The following DNAH1 variants were observed in gnomAD, a reference collection of about 807,000 sequenced individuals.
DNAH1 encodes the protein axonemal beta dynein heavy chain 1.
Under a neutral mutation model 484.3 loss-of-function variants are expected in DNAH1, and 327 were observed. The ratio of observed to expected loss-of-function variants is 0.68; its 90% CI spans 0.62 to 0.74. DNAH1 has a LOEUF of 0.74. Ranked by LOEUF, DNAH1 falls within the 30% of genes least tolerant of loss-of-function variation. DNAH1 has a pLI of 0.00. For missense variants in DNAH1, 5,052 were observed against 5,546.8 expected (o/e 0.91, Z 2.83); for synonymous variants, 2,192 against 2,191.9 (o/e 1.00, Z 0.00).
intron 5 of DNAH1, 141 bp downstream of exon 5, chr3:52,327,032 GA>G: frequency 8.4e-7 from 1 of 1,193,878 alleles, no homozygotes; most frequent in Non-Finnish European, 1.1e-6. Context: ...TCAACAATAG[GA>G]ACCCATCCCA....
At chr3:52,351,461 A>C (rs1433783005) in intron 16 of DNAH1, among the ~76,000 whole-genome samples, 1 of 152,100 alleles carries the variant, frequency 6.6e-6, no homozygotes, top group African/African-American at 2.4e-5. Context: ...CTCAGGGGGA[A>C]CTCCCCCACG....
chr3:52,353,038 G>A lies in DNAH1; in HGVS notation c.3028-65G>A, dbSNP rs1702459079. On this transcript the variant is annotated intron_variant, in intron 18 of 77. Transcript: ENST00000420323. This position sits in a 1 kb window ranked among gnomAD's most constrained non-coding sequence, Gnocchi z 5.0. ...GGGAGAGGACCTGGCCCAAGAAGGG[G>A]CAACATGGAGAGAGACTGGGAAGTG... is the stretch of plus-strand genomic sequence containing the variant. 1.3e-6 allele frequency: 2 copies of A among 1,497,110 alleles called. No homozygotes were observed. Among genetic ancestry groups the A allele is most frequent in the Admixed American group, 2.0e-5 (1 of 50,670 alleles). 92.7% of individuals were successfully genotyped at this position (1,497,110 alleles called of 1,614,324 possible).
intron 3 of DNAH1, among the ~76,000 whole-genome samples, chr3:52,325,459 C>T (rs530929082): frequency 1.3e-5 from 2 of 152,312 alleles, no homozygotes; most frequent in East Asian, 3.9e-4. Flanking sequence ...CACCCCTCTC[C>T]CCACCTCTGT....
At chr3:52,351,780 C>A (rs1702392215) in intron 16 of DNAH1, among the ~76,000 whole-genome samples, 182 bp from the exon 17 acceptor site, 1 of 152,234 alleles carries the variant, frequency 6.6e-6, no homozygotes, top group African/African-American at 2.4e-5. Flanking sequence ...GCAGTCGCGC[C>A]TCCCAGCTCA....
At chr3:52,383,651 G>T in intron 51 of DNAH1, 57 bp downstream of exon 51, 1 of 1,488,278 alleles carries the variant, frequency 6.7e-7, no homozygotes, top group Non-Finnish European at 9.0e-7. Context: ...GTGTACATGG[G>T]CTGGCCCCGG....
In DNAH1 at chr3:52,388,325, G is replaced by A. The variant is rs1704201303; in HGVS notation, c.9162G>A (p.Glu3054=). 1 of 1,602,648 alleles carries A rather than the reference G, an allele frequency of 6.2e-7. No individual in the cohort carries two copies. Among genetic ancestry groups the A allele is most frequent in the Non-Finnish European group, 8.5e-7 (1 of 1,174,710 alleles). The change falls in exon 57 of 78, where the codon GAG becomes GAA. Residue 3054 remains glutamate, a synonymous_variant. Transcript: ENST00000420323. ...ACCACTTTGTGGCCAAGGCCGTGGA[G>A]CCCAAGCGGGTGAGGGCTGAGTGGA... ...HKYHFVAKAV[E]PKRQALLEAQ... is the part of the protein sequence containing the mutation.
intron 1 of DNAH1, among the ~76,000 whole-genome samples, chr3:52,320,630 C>G (rs1647965239): frequency 6.6e-6 from 1 of 152,194 alleles, no homozygotes. Flanking sequence ...GAGGCCTACA[C>G]TAGCACAAAA....
intron 8 of DNAH1, among the ~76,000 whole-genome samples, chr3:52,343,349 C>A (rs533640212): frequency 1.3e-5 from 2 of 152,178 alleles, no homozygotes; most frequent in African/African-American, 4.8e-5. Context: ...GCTTGCTGGG[C>A]TTTTCCTGAG....
the DNAH1 span, among the ~76,000 whole-genome samples, chr3:52,311,318 C>T: frequency 2.0e-5 from 3 of 152,220 alleles, no homozygotes; most frequent in Non-Finnish European, 1.5e-5. Context: ...TAGCTTTGCC[C>T]TATGCCTCAG....
At chr3:52,327,860 A>T (rs182304532) in intron 5 of DNAH1, 22 bp from the exon 6 acceptor site, 2 of 1,611,110 alleles carry the variant, frequency 1.2e-6, no homozygotes, top group African/African-American at 2.7e-5. Flanking sequence ...CTTCTTCCCA[A>T]TGTTGGCCTG....
chr3:52,334,750 G>A (rs560271403), intron 8 of DNAH1, among the ~76,000 whole-genome samples: 4 of 152,262 alleles, frequency 2.6e-5, no homozygotes, highest in East Asian at 1.9e-4. Flanking sequence ...CTGAGATTGC[G>A]TCACTGCACT....
intron 2 of DNAH1, 58 bp downstream of exon 2, chr3:52,322,833 CCATCCTTT>C (rs1701198901): frequency 2.1e-6 from 3 of 1,428,344 alleles, no homozygotes; most frequent in East Asian, 4.9e-5. Flanking sequence ...CTCCGTTCAC[CCATCCTTT>C]CATCCTTCTC....
rs1297045970 is a variant in DNAH1, at chr3:52,364,372, G to A, written c.5245-266G>A. 6.6e-6 allele frequency among the ~76,000 whole-genome samples: 1 copy of A among 152,248 alleles called. No homozygotes were observed. Among genetic ancestry groups the A allele is most frequent in the African/African-American group, 2.4e-5 (1 of 41,464 alleles). ...AGAGGGCCCTCCTGCCCCTGGCCATGTGCTGGGACAGTGACCAAAGGATGC... is the reference window on the plus strand; with the variant it reads ...AGAGGGCCCTCCTGCCCCTGGCCATATGCTGGGACAGTGACCAAAGGATGC... On this transcript the variant is annotated intron_variant, in intron 32 of 77. Transcript: ENST00000420323. The surrounding 1 kb of genome is among the most constrained non-coding windows in gnomAD (Gnocchi z 4.2).
chr3:52,324,670 C>T (rs759436056), intron 3 of DNAH1, among the ~76,000 whole-genome samples: 1 of 152,138 alleles, frequency 6.6e-6, no homozygotes, highest in Admixed American at 6.5e-5. Flanking sequence ...TGTACATTTG[C>T]GCACTTATCT....
Position 52,391,535 on chromosome 3 carries a change from G to A in DNAH1, c.9984G>A (p.Leu3328=), listed in dbSNP as rs1399938612. ...TCAGGATGTACATCACCACCAAGCT[G>A]CCCAACCCACACTACACGCCCGAGA... The part of the protein sequence containing the change: ...EDFRMYITTK[L]PNPHYTPEIS... The change falls in exon 63 of 78, where the codon CTG becomes CTA. Residue 3328 remains leucine (L), a synonymous_variant. Transcript: ENST00000420323. The A allele has an allele frequency of 8.4e-6, 13 of 1,555,972 alleles. No homozygotes were observed. Among genetic ancestry groups the A allele is most frequent in the Non-Finnish European group, 1.1e-5 (13 of 1,152,910 alleles).
At position 52,388,873 on chromosome 3, in the gene DNAH1, TCAA is replaced by T. The variant is rs1452538915; in HGVS notation, c.9437_9439del (p.Asn3146del). ...ACGGTGGAGAACCTGCAGTACATGC[TCAA>T]CAACATCTCCGGCGATGTCCTGGTG... On this transcript the variant is annotated inframe_deletion, in exon 59 of 78. Transcript: ENST00000420323. 3.1e-6 allele frequency: 5 copies of T among 1,613,742 alleles called. No individual in the cohort carries two copies. The highest frequency in any genetic ancestry group is 4.2e-6 in the Non-Finnish European group (5 of 1,179,828).
chr3:52,342,711 G>A (rs1241852771), intron 8 of DNAH1, among the ~76,000 whole-genome samples: 1 of 152,178 alleles, frequency 6.6e-6, no homozygotes, highest in Non-Finnish European at 1.5e-5. Flanking sequence ...TAGGGTGTGT[G>A]CAATGCTGTT....
chr3:52,386,528 C>T (rs1704117563), intron 55 of DNAH1, 134 bp from the exon 56 acceptor site: 9 of 1,280,722 alleles, frequency 7.0e-6, no homozygotes, highest in South Asian at 1.6e-5. Context: ...AGGCCAACCT[C>T]GGTGGATCTC....
intron 8 of DNAH1, 143 bp from the exon 9 acceptor site, chr3:52,344,347 C>T (rs1488449194): frequency 2.0e-6 from 2 of 976,448 alleles, no homozygotes; most frequent in Non-Finnish European, 1.5e-6. Context: ...TGGCTCAGGG[C>T]CGGGTGGGGG....
Sources: allele counts gnomAD v4.1 joint callset (sites outside exome capture counted in the v4.1 genomes callset), GRCh38; gene constraint gnomAD v4.1.1; non-coding constraint Gnocchi (gnomAD v3.1); transcripts MANE v1.5; gene names NCBI Gene and HGNC (gene_info 2026-07-23, HGNC 2026-07-21).